ERC1: variants seen among roughly 807,000 people sequenced by gnomAD.
ERC1 encodes ELKS/RAB6-interacting/CAST family member 1, also known as RAB6 interacting protein 2.
Under a neutral mutation model 132.0 loss-of-function variants are expected in ERC1, and 56 were observed. The ratio of observed to expected loss-of-function variants is 0.42; its 90% CI spans 0.34 to 0.53. The LOEUF is 0.53. Ranked by LOEUF, ERC1 falls within the 20% of genes least tolerant of loss-of-function variation. ERC1 has a pLI of 0.03. For synonymous variants in ERC1, 478 were observed against 476.1 expected, an observed-to-expected ratio of 1.00 and a Z score of -0.05; for missense variants, 1,202 against 1,349.9, an observed-to-expected ratio of 0.89 and a Z score of 1.72.
chr12:1,401,550 C>G (rs903727798), intron 16 of ERC1, among the ~76,000 whole-genome samples: 2 of 152,072 alleles, frequency 1.3e-5, no homozygotes, highest in African/African-American at 4.8e-5. Flanking sequence ...GAGCTCTAGC[C>G]CTGTGACTTA....
At chr12:1,334,979 C>A (rs2083191279) in intron 15 of ERC1, among the ~76,000 whole-genome samples, 1 of 152,080 alleles carries the variant, frequency 6.6e-6, no homozygotes, top group African/African-American at 2.4e-5. Flanking sequence ...GTATTTTATA[C>A]TTTTTCAGGC....
intron 14 of ERC1, among the ~76,000 whole-genome samples, chr12:1,271,774 T>C (rs1049030224): frequency 1.3e-5 from 2 of 152,222 alleles, no homozygotes; most frequent in Non-Finnish European, 2.9e-5. Flanking sequence ...TTCATATCTT[T>C]ACACCAATAT....
At chr12:1,268,449 GGAAA>G (rs1219788103) in intron 14 of ERC1, among the ~76,000 whole-genome samples, 6 of 152,170 alleles carry the variant, frequency 3.9e-5, no homozygotes, top group African/African-American at 9.7e-5. Context: ...TAGTTTATTG[GGAAA>G]GACTGAAGGA....
At position 1,492,310 on chromosome 12, in the gene ERC1, G is replaced by A. The variant is rs1471537035; in HGVS notation, c.*2080G>A. 4.3e-6 allele frequency: 1 copy of A among 233,092 alleles called. No individual in the cohort carries two copies. The highest frequency in any genetic ancestry group is 1.8e-4 in the South Asian group (1 of 5,534). The allele number at this position is 233,092 out of a possible 1,614,324, so 14.4% of individuals were successfully genotyped here. On this transcript the variant is annotated 3_prime_UTR_variant, in exon 19 of 19. Coordinates refer to ENST00000360905, the MANE Select transcript of ERC1 (RefSeq NM_178040.4). ...GCAGTGCCCGTAAACCATGTAGAAA[G>A]CTCCCAGCACTGAAAGGCAGGAGTG...
At chr12:1,065,609 G>A (rs57295901) in intron 2 of ERC1, among the ~76,000 whole-genome samples, 3,593 of 149,574 alleles carry the variant, frequency 0.024, 116 homozygotes, top group East Asian at 0.078. Flanking sequence ...GGGGGGGGAC[G>A]GATTTCTTCC....
At chr12:1,100,919 T>C (rs1944588562) in intron 3 of ERC1, among the ~76,000 whole-genome samples, 1 of 152,044 alleles carries the variant, frequency 6.6e-6, no homozygotes. Flanking sequence ...CTTGGGACAC[T>C]CCTGAGGAGT....
chr12:1,316,090 G>A (rs953867092), intron 15 of ERC1, among the ~76,000 whole-genome samples: 3 of 152,132 alleles, frequency 2.0e-5, no homozygotes, highest in South Asian at 2.1e-4. Flanking sequence ...GGGTTTCACC[G>A]TGTTAGGCAG....
intron 14 of ERC1, among the ~76,000 whole-genome samples, chr12:1,275,507 A>T (rs2078203455): frequency 1.3e-5 from 2 of 152,180 alleles, no homozygotes. Flanking sequence ...GTAAGGGTAG[A>T]AAGGGCTGAG....
intron 2 of ERC1, among the ~76,000 whole-genome samples, chr12:1,050,399 C>T (rs1260906875): frequency 6.6e-6 from 1 of 152,124 alleles, no homozygotes; most frequent in Non-Finnish European, 1.5e-5. Context: ...CTCAATTTTT[C>T]TTTATTAGAG....
At chr12:1,230,999 TAA>T (rs2074988650) in intron 12 of ERC1, among the ~76,000 whole-genome samples, 1 of 152,190 alleles carries the variant, frequency 6.6e-6, no homozygotes, top group South Asian at 2.1e-4. Flanking sequence ...GTTGGATACT[TAA>T]AAAAGTCTGT....
chr12:1,103,946 A>G (rs909376273), intron 3 of ERC1, among the ~76,000 whole-genome samples: 2 of 152,130 alleles, frequency 1.3e-5, no homozygotes, highest in Admixed American at 1.3e-4. Context: ...AGCAGAAAGC[A>G]TTCATCTCTG....
chr12:1,373,192 A>G (rs11061720), intron 16 of ERC1, among the ~76,000 whole-genome samples: 63,507 of 152,108 alleles, frequency 0.42, 14,831 homozygotes, highest in African/African-American at 0.63. Flanking sequence ...TTATTATGAA[A>G]GACATCCGTC....
chr12:1,159,219 T>A (rs1002933638), intron 8 of ERC1, among the ~76,000 whole-genome samples: 1 of 152,186 alleles, frequency 6.6e-6, no homozygotes, highest in Non-Finnish European at 1.5e-5. Flanking sequence ...CAGGGACCAA[T>A]TTTGTGGAAT....
intron 7 of ERC1, among the ~76,000 whole-genome samples, chr12:1,136,500 A>T (rs1949262848): frequency 6.6e-6 from 1 of 152,172 alleles, no homozygotes; most frequent in African/African-American, 2.4e-5. Context: ...TTAGGTTGTA[A>T]CTTCAGCAGA....
intron 18 of ERC1, among the ~76,000 whole-genome samples, chr12:1,489,756 C>A (rs2094298118): frequency 6.6e-6 from 1 of 152,178 alleles, no homozygotes; most frequent in African/African-American, 2.4e-5. Flanking sequence ...TTAGGATCCT[C>A]TCTGAGATCA....
At chr12:1,049,899 A>G (rs931880806) in intron 2 of ERC1, among the ~76,000 whole-genome samples, 31 of 151,982 alleles carry the variant, frequency 2.0e-4, no homozygotes, top group African/African-American at 6.0e-4. Flanking sequence ...ATGTGCCACC[A>G]TGCCCGGCTA....
chr12:1,273,062 A>G (rs768658860), intron 14 of ERC1, among the ~76,000 whole-genome samples: 1 of 151,776 alleles, frequency 6.6e-6, no homozygotes, highest in African/African-American at 2.4e-5. Context: ...CAGATGTTCT[A>G]TAGTTTCCAG....
chr12:1,494,526 A>C lies in ERC1; in HGVS notation c.*4296A>C. The C allele has an allele frequency of 4.3e-6, 1 of 231,510 alleles. No homozygotes were observed. Among genetic ancestry groups the C allele is most frequent in the African/African-American group, 2.2e-5 (1 of 45,282 alleles). The allele number at this position is 231,510 out of a possible 1,614,324, so 14.3% of individuals were successfully genotyped here. A position where few individuals can be genotyped will look rare whatever the true frequency, so the allele number is the denominator to read the frequency against. ...TATCTTCACCTACTCTTCAGCAAAA[A>C]CCGTCTCCAGACTTTTTAGTGTCAA... is the stretch of plus-strand genomic sequence containing the variant. On this transcript the variant is annotated 3_prime_UTR_variant, in exon 19 of 19. Transcript: ENST00000360905.
chr12:1,495,351 A>C lies in ERC1; in HGVS notation c.*5121A>C. 4.4e-6 allele frequency: 1 copy of C among 227,642 alleles called. No homozygotes were observed. The highest frequency in any genetic ancestry group is 8.7e-6 in the Non-Finnish European group (1 of 114,554). 14.1% of individuals were successfully genotyped at this position (227,642 alleles called of 1,614,324 possible). On this transcript the variant is annotated 3_prime_UTR_variant, in exon 19 of 19. Coordinates refer to ENST00000360905, the MANE Select transcript of ERC1 (RefSeq NM_178040.4). Reference sequence around the variant, plus strand: ...TTCCCTTTGAGCTTTTTTAGACCCTAGATCTCCTAGGCCCAGGCTCTCTCT... The same window carrying C: ...TTCCCTTTGAGCTTTTTTAGACCCTCGATCTCCTAGGCCCAGGCTCTCTCT...
Sources: allele counts gnomAD v4.1 joint callset (sites outside exome capture counted in the v4.1 genomes callset), GRCh38; gene constraint gnomAD v4.1.1; transcripts MANE v1.5; gene names NCBI Gene and HGNC (gene_info 2026-07-23, HGNC 2026-07-21).